The following ACSBG1 variants were observed in gnomAD, a reference collection of about 807,000 sequenced individuals.
ACSBG1 encodes the protein long-chain-fatty-acid--CoA ligase ACSBG1.
Under a neutral mutation model 80.2 loss-of-function variants are expected in ACSBG1, and 39 were observed. The ratio of observed to expected loss-of-function variants is 0.49; its 90% CI spans 0.38 to 0.64. ACSBG1 has a LOEUF of 0.64. Among genes scored for constraint, ACSBG1 ranks in the 30% least tolerant of loss-of-function variants. ACSBG1 has a pLI of 0.00. For synonymous variants in ACSBG1, 392 were observed against 379.5 expected (o/e 1.03, Z -0.38); for missense variants, 828 against 966.4 (o/e 0.86, Z 1.90).
intron 1 of ACSBG1, among the ~76,000 whole-genome samples, chr15:78,215,738 G>GAAAGAAAA (rs2075304025): frequency 7.4e-6 from 1 of 134,570 alleles, no homozygotes; most frequent in African/African-American, 2.9e-5. Context: ...AAGAAAGAAA[G>GAAAGAAAA]AAAGAAAGAA....
intron 2 of ACSBG1, among the ~76,000 whole-genome samples, chr15:78,203,685 G>A (rs1033077200): frequency 2.6e-5 from 4 of 152,220 alleles, no homozygotes; most frequent in African/African-American, 7.2e-5. Context: ...TCAATTAGCC[G>A]GGAAGGAAAA....
intron 2 of ACSBG1, among the ~76,000 whole-genome samples, chr15:78,201,530 C>G (rs12102165): frequency 0.05 from 7,612 of 152,310 alleles, 667 homozygotes; most frequent in African/African-American, 0.18. Flanking sequence ...CTGGGCCCAC[C>G]ACAGCTCAGT....
At chr15:78,218,778 CT>C (rs559754915) in intron 1 of ACSBG1, among the ~76,000 whole-genome samples, 70 of 122,736 alleles carry the variant, frequency 5.7e-4, no homozygotes, top group Middle Eastern at 4.4e-3. Context: ...TTGCATCTCC[CT>C]TTTTTTTTTT....
rs908383727 is a variant in ACSBG1 at position 78,168,075 on chromosome 15, G to C, written c.*3369C>G. 8 of 152,244 alleles carry C rather than the reference G, an allele frequency of 5.3e-5. No individual in the cohort carries two copies. The highest frequency in any genetic ancestry group is 1.9e-4 in the African/African-American group (8 of 41,540). The allele number at this position is 152,244 out of a possible 1,614,324, so 9.4% of individuals were successfully genotyped here. A position where few individuals can be genotyped will look rare whatever the true frequency, so the allele number is the denominator to read the frequency against. On this transcript the variant is annotated 3_prime_UTR_variant, in exon 14 of 14. Transcript: ENST00000258873. Reference sequence around the variant, plus strand: ...TCTGTATGCAGGAAAGAAAGGATAAGCTGGTAGAACAGATCAGTTGTATGG... The same window carrying C: ...TCTGTATGCAGGAAAGAAAGGATAACCTGGTAGAACAGATCAGTTGTATGG...
intron 2 of ACSBG1, among the ~76,000 whole-genome samples, chr15:78,206,158 C>CTGGGCGCCTGCTGACAACCATGG (rs2075212540): frequency 6.6e-6 from 1 of 152,198 alleles, no homozygotes; most frequent in Non-Finnish European, 1.5e-5. Flanking sequence ...GGCCTCCGCT[C>CTGGGCGCCTGCTGACAACCATGG]TGGGCGCCTG....
chr15:78,233,701 T>C (rs953872930), intron 1 of ACSBG1, among the ~76,000 whole-genome samples: 8 of 152,194 alleles, frequency 5.3e-5, no homozygotes, highest in South Asian at 4.1e-4. Context: ...TGTGTGCGTG[T>C]GCGCGTGCGC....
chr15:78,197,577 G>A (rs941313486), intron 2 of ACSBG1, among the ~76,000 whole-genome samples: 1 of 151,758 alleles, frequency 6.6e-6, no homozygotes, highest in Non-Finnish European at 1.5e-5. Context: ...AAATTTGCTG[G>A]TGGTGGTGGT....
At chr15:78,194,114 G>T in intron 3 of ACSBG1, 94 bp from the exon 4 acceptor site, 1 of 1,256,968 alleles carries the variant, frequency 8.0e-7, no homozygotes, top group Non-Finnish European at 1.1e-6. Context: ...CAGGGGACCT[G>T]CAGGCTCCAC....
At chr15:78,173,477 A>T (rs1404016779) in intron 13 of ACSBG1, 116 bp downstream of exon 13, 209 of 1,433,818 alleles carry the variant, frequency 1.5e-4, no homozygotes, top group Non-Finnish European at 2.2e-5. Flanking sequence ...TGTCACCCAG[A>T]TTCCTGCCAT....
chr15:78,180,920 G>C lies in ACSBG1; in HGVS notation c.1088C>G (p.Thr363Arg). 6.2e-7 allele frequency: 1 copy of C among 1,614,068 alleles called. No homozygotes were observed. Residue 363 changes from threonine (T) to arginine (R), a missense_variant, in exon 9 of 14, where the codon ACG becomes AGG. Thr to Arg is a moderately conservative substitution (Grantham distance 71). Around this residue, in one of 3 missense-constraint regions of ACSBG1, gnomAD observed 271 missense variants for 375.9 expected, o/e 0.72. Coordinates refer to ENST00000258873, the MANE Select transcript of ACSBG1 (RefSeq NM_015162.5). ...PDALKGSLVNTLREVEPTSHM... is the reference protein window; with the variant it reads ...PDALKGSLVNRLREVEPTSHM... Reference sequence around the variant, plus strand: ...TGATGTGGGCTCCACCTCCCGCAGCGTGTTCACCAGGCTCCCCTGTTCACA... The same window carrying C: ...TGATGTGGGCTCCACCTCCCGCAGCCTGTTCACCAGGCTCCCCTGTTCACA...
rs1240016079 is a variant in ACSBG1, at chr15:78,171,175, G to A, written c.*269C>T. ...AAGGCCAAAAATTATCAGCCCTTTC[G>A]TTCTGGAAGGAGAGCTGATCTCATT... On this transcript the variant is annotated 3_prime_UTR_variant, in exon 14 of 14. Transcript: ENST00000258873. The A allele has an allele frequency of 1.7e-5, 5 of 294,068 alleles. No homozygotes were observed. The highest frequency in any genetic ancestry group is 7.2e-5 in the East Asian group (1 of 13,836). 18.2% of individuals were successfully genotyped at this position (294,068 alleles called of 1,614,324 possible).
intron 1 of ACSBG1, among the ~76,000 whole-genome samples, chr15:78,226,110 C>A (rs1370780908): frequency 2.0e-5 from 3 of 152,200 alleles, no homozygotes; most frequent in Non-Finnish European, 2.9e-5. Flanking sequence ...GTCGTCTAAT[C>A]TCTGAAGTGA....
intron 1 of ACSBG1, among the ~76,000 whole-genome samples, chr15:78,229,956 T>C (rs1480886184): frequency 1.3e-5 from 2 of 152,164 alleles, no homozygotes; most frequent in East Asian, 1.9e-4. Flanking sequence ...ATCATGCCTT[T>C]GGTCAGCACA....
chr15:78,170,128 C>G lies in ACSBG1; in HGVS notation c.*1316G>C, dbSNP rs973349039. 4 of 152,224 alleles carry G rather than the reference C, an allele frequency of 2.6e-5. No individual in the cohort carries two copies. Among genetic ancestry groups the G allele is most frequent in the Admixed American group, 1.3e-4 (2 of 15,278 alleles). The allele number at this position is 152,224 out of a possible 1,614,324, so 9.4% of individuals were successfully genotyped here. A position where few individuals can be genotyped will look rare whatever the true frequency, so the allele number is the denominator to read the frequency against. ...TGCCATGCTGGGGCTTGAGCTTGAG[C>G]TTGGGCTTAGGCTTGGGCTCAGCTT... is the stretch of plus-strand genomic sequence containing the variant. On this transcript the variant is annotated 3_prime_UTR_variant, in exon 14 of 14. Transcript: ENST00000258873.
At chr15:78,228,754 C>T (rs2141393624) in intron 1 of ACSBG1, among the ~76,000 whole-genome samples, 1 of 152,304 alleles carries the variant, frequency 6.6e-6, no homozygotes, top group African/African-American at 2.4e-5. Context: ...CCAAATCTGC[C>T]CTGTTCCCAC....
At chr15:78,188,298 T>G (rs1420738196) in intron 5 of ACSBG1, among the ~76,000 whole-genome samples, 1 of 152,118 alleles carries the variant, frequency 6.6e-6, no homozygotes, top group Non-Finnish European at 1.5e-5. Context: ...TACCAATGAC[T>G]TTCTTCACAG....
chr15:78,204,202 G>GGGTAGACA (rs1352375208), intron 2 of ACSBG1, among the ~76,000 whole-genome samples: 1 of 152,174 alleles, frequency 6.6e-6, no homozygotes. Context: ...ATTACAATTG[G>GGGTAGACA]GGTAGACAAG....
At chr15:78,193,311 T>C (rs973064766) in intron 5 of ACSBG1, among the ~76,000 whole-genome samples, 195 bp downstream of exon 5, 4 of 152,232 alleles carry the variant, frequency 2.6e-5, no homozygotes, top group Non-Finnish European at 5.9e-5. Flanking sequence ...GCATGTCCCT[T>C]GAGCCTCCAT....
intron 1 of ACSBG1, 89 bp from the exon 2 acceptor site, chr15:78,208,191 G>A: frequency 1.1e-6 from 1 of 936,906 alleles, no homozygotes; most frequent in South Asian, 1.4e-5. Flanking sequence ...ACACATCTCA[G>A]CACCCCCAGG....
Sources: allele counts gnomAD v4.1 joint callset (sites outside exome capture counted in the v4.1 genomes callset), GRCh38; gene constraint gnomAD v4.1.1; regional missense constraint gnomAD v4.1.1; transcripts MANE v1.5; gene names NCBI Gene and HGNC (gene_info 2026-07-23, HGNC 2026-07-21).